The following HNRNPU variants were observed in gnomAD, a reference collection of about 807,000 sequenced individuals.
HNRNPU encodes the protein heterogeneous nuclear ribonucleoprotein U, also known as HNRNPU antisense RNA 1.
HNRNPU carries 5 observed loss-of-function variants against 94.7 expected under a neutral mutation model. The observed-to-expected ratio is 0.05, with a 90% CI of 0.03 to 0.11. The LOEUF (loss-of-function observed/expected upper bound fraction) is 0.11. Among genes scored for constraint, HNRNPU ranks in the 10% least tolerant of loss-of-function variants. The pLI, the probability that HNRNPU is intolerant of heterozygous loss-of-function variation, is 1.00. For missense variants in HNRNPU, 710 were observed against 1,049.2 expected (o/e 0.68, Z 4.47); for synonymous variants, 434 against 381.6 (o/e 1.14, Z -1.60).
chr1:244,863,643 C>T lies in HNRNPU; in HGVS notation c.665G>A (p.Gly222Asp). 1 of 1,548,060 alleles carries T rather than the reference C, an allele frequency of 6.5e-7. No individual in the cohort carries two copies. Among genetic ancestry groups the T allele is most frequent in the African/African-American group, 1.4e-5 (1 of 70,016 alleles). Reference sequence around the variant, plus strand: ...CGCCGCCGGAGCCCCGGGGCGACCGCCGCCTCCGCCGCCTTCCGCCTTCTT... The same window carrying T: ...CGCCGCCGGAGCCCCGGGGCGACCGTCGCCTCCGCCGCCTTCCGCCTTCTT... ...GKKKAEGGGG[G>D]GRPGAPAAGD... The change falls in exon 1 of 14, where the codon GGC becomes GAC. Residue 222 changes from glycine to aspartate, a missense_variant. By Grantham distance (94) the Gly-to-Asp change is moderately conservative. This residue lies in a region of HNRNPU where 292 missense variants were observed against 293.4 expected (regional missense o/e 1.00). Transcript: ENST00000640218.
chr1:244,859,651 T>C (rs1265923600), intron 4 of HNRNPU: 2 of 237,240 alleles, frequency 8.4e-6, no homozygotes, highest in Non-Finnish European at 1.6e-5. Context: ...AATTAAAGGA[T>C]ACAATTAATG....
chr1:244,859,055 C>G (rs914229046), intron 5 of HNRNPU: 4 of 577,732 alleles, frequency 6.9e-6, no homozygotes, highest in African/African-American at 5.6e-5. Context: ...TTGCATATCA[C>G]GGGTAAGATT....
chr1:244,857,767 A>G (rs912149907), intron 7 of HNRNPU, 50 bp from the exon 8 acceptor site: 2 of 1,580,806 alleles, frequency 1.3e-6, no homozygotes, highest in Non-Finnish European at 1.7e-6. Flanking sequence ...ACACCACCTA[A>G]TAATTCTTTA....
Position 244,860,315 on chromosome 1 carries a change from A to AAC in HNRNPU, c.1017+19_1017+20insGT. The AAC allele has an allele frequency of 6.2e-7, 1 of 1,602,830 alleles. No individual in the cohort carries two copies. Among genetic ancestry groups the AAC allele is most frequent in the South Asian group, 1.1e-5 (1 of 89,600 alleles). On this transcript the variant is annotated intron_variant, in intron 4 of 13. Transcript: ENST00000640218. Reference sequence around the variant, plus strand: ...GACTGTCTCCACAAACAAACAAACAAATCATAAAATTGCATTTACCTTCAT... The same window carrying AAC: ...GACTGTCTCCACAAACAAACAAACAAACATCATAAAATTGCATTTACCTTCAT...
chr1:244,859,535 T>C (rs1360842182), intron 4 of HNRNPU, 161 bp from the exon 5 acceptor site: 1 of 473,212 alleles, frequency 2.1e-6, no homozygotes, highest in African/African-American at 2.0e-5. Context: ...TTTAAACTGA[T>C]GTGCTTATAA....
intron 3 of HNRNPU, 47 bp from the exon 4 acceptor site, chr1:244,860,521 CA>C: frequency 6.7e-7 from 1 of 1,491,686 alleles, no homozygotes. Flanking sequence ...CCAATGTAAA[CA>C]TATCTGCTAT....
At chr1:244,859,159 ATT>A in intron 5 of HNRNPU, 114 bp downstream of exon 5, 1 of 628,084 alleles carries the variant, frequency 1.6e-6, no homozygotes, top group Non-Finnish European at 2.8e-6. Context: ...TGTCTGAAGT[ATT>A]AACAGAATAG....
At position 244,851,146 on chromosome 1, in the gene HNRNPU, T is replaced by C. The variant is rs1430673373; in HGVS notation, c.*3304A>G. 1.3e-5 allele frequency: 2 copies of C among 152,264 alleles called. No homozygotes were observed. Among genetic ancestry groups the C allele is most frequent in the East Asian group, 1.9e-4 (1 of 5,204 alleles). The allele number at this position is 152,264 out of a possible 1,614,324, so 9.4% of individuals were successfully genotyped here. ...CTTTTGAAAACAAGACATTTATGTA[T>C]AGGAAGAGAATTATGGAAACACTTT... On this transcript the variant is annotated 3_prime_UTR_variant, in exon 14 of 14. Coordinates refer to ENST00000640218, the MANE Select transcript of HNRNPU (RefSeq NM_031844.3).
At chr1:244,857,824 C>T (rs1680719991) in intron 7 of HNRNPU, 107 bp from the exon 8 acceptor site, 3 of 1,423,436 alleles carry the variant, frequency 2.1e-6, no homozygotes, top group African/African-American at 1.4e-5. Flanking sequence ...ATAGCCCTTA[C>T]ACTAACGGAC....
intron 13 of HNRNPU, 32 bp from the exon 14 acceptor site, chr1:244,854,535 A>G: frequency 1.4e-6 from 2 of 1,397,086 alleles, no homozygotes; most frequent in Non-Finnish European, 2.0e-6. Flanking sequence ...TTAAAGAAAA[A>G]ACATCAATAA....
chr1:244,850,610 A>T lies in HNRNPU; in HGVS notation c.*3840T>A, dbSNP rs930885074. The T allele has an allele frequency of 3.3e-5, 5 of 152,308 alleles. No individual in the cohort carries two copies. The highest frequency in any genetic ancestry group is 1.2e-4 in the African/African-American group (5 of 41,580). The allele number at this position is 152,308 out of a possible 1,614,324, so 9.4% of individuals were successfully genotyped here. ...TTCAAATTACTGTTTTAGAGATCTC[A>T]GGTAGTTAACCAATTCTTGCTCAAA... On this transcript the variant is annotated 3_prime_UTR_variant, in exon 14 of 14. Coordinates refer to ENST00000640218, the MANE Select transcript of HNRNPU (RefSeq NM_031844.3).
In HNRNPU at chr1:244,851,956, A is replaced by G. The variant is rs561374658; in HGVS notation, c.*2494T>C. The G allele has an allele frequency of 1.3e-5, 2 of 152,172 alleles. No homozygotes were observed. The highest frequency in any genetic ancestry group is 2.9e-5 in the Non-Finnish European group (2 of 68,032). The allele number at this position is 152,172 out of a possible 1,614,324, so 9.4% of individuals were successfully genotyped here. ...AGCCAGTTTACACTCAGCATGTGTT[A>G]TTCTACTTTAAAATATAACCTTAGT... On this transcript the variant is annotated 3_prime_UTR_variant, in exon 14 of 14. Transcript: ENST00000640218.
intron 12 of HNRNPU, 48 bp from the exon 13 acceptor site, chr1:244,855,092 T>TAG (rs1187188150): frequency 1.4e-6 from 2 of 1,479,828 alleles, no homozygotes; most frequent in East Asian, 4.5e-5. Flanking sequence ...AATTGCTTGT[T>TAG]AGGTTTGTGG....
chr1:244,863,767 TGGC>T lies in HNRNPU; in HGVS notation c.538_540del (p.Ala180del), dbSNP rs2102990578. On this transcript the variant is annotated inframe_deletion, in exon 1 of 14. Transcript: ENST00000640218. ...CCGCTGCTCTTCCCCGCGGCCTCCT[TGGC>T]GGCCCCGCGCTGCTGTTGGGGCTGT... 6.3e-7 allele frequency: 1 copy of T among 1,590,348 alleles called. No homozygotes were observed. The highest frequency in any genetic ancestry group is 8.5e-7 in the Non-Finnish European group (1 of 1,171,324).
intron 2 of HNRNPU, 39 bp from the exon 3 acceptor site, chr1:244,862,573 C>T: frequency 1.9e-6 from 3 of 1,609,250 alleles, no homozygotes; most frequent in South Asian, 2.2e-5. Context: ...GCTTTCCGAT[C>T]AACGAACGAA....
chr1:244,855,571 G>A lies in HNRNPU; in HGVS notation c.2205C>T (p.Asn735=), dbSNP rs1680656941. 6 of 1,613,928 alleles carry A rather than the reference G, an allele frequency of 3.7e-6. No individual in the cohort carries two copies. Among genetic ancestry groups the A allele is most frequent in the Non-Finnish European group, 4.2e-6 (5 of 1,179,956 alleles). ...CACCGCCACCACCTCTCTGTGGCAT[G>A]TTGCCCCTCCTATTATATCCGCCAC... ...GNRGGYNRRG[N]MPQRGGGGGG... is the part of the protein sequence containing the mutation. Residue 735 remains asparagine, a synonymous_variant, in exon 12 of 14, where the codon AAC becomes AAT. Coordinates refer to ENST00000640218, the MANE Select transcript of HNRNPU (RefSeq NM_031844.3).
intron 4 of HNRNPU, chr1:244,859,580 C>A: frequency 2.7e-6 from 1 of 370,998 alleles, no homozygotes; most frequent in Non-Finnish European, 4.8e-6. Context: ...TTATTTGACC[C>A]ATATTTAAAA....
chr1:244,851,374 C>G lies in HNRNPU; in HGVS notation c.*3076G>C, dbSNP rs937488878. On this transcript the variant is annotated 3_prime_UTR_variant, in exon 14 of 14. Transcript: ENST00000640218. ...CAATGGAACCCATTATTCACATGGTCCTAGAATAAAAAGTCAATTTATATT... is the reference window on the plus strand; with the variant it reads ...CAATGGAACCCATTATTCACATGGTGCTAGAATAAAAAGTCAATTTATATT... 1 of 152,056 alleles carries G rather than the reference C, an allele frequency of 6.6e-6. No homozygotes were observed. The highest frequency in any genetic ancestry group is 6.6e-5 in the Admixed American group (1 of 15,254). 9.4% of individuals were successfully genotyped at this position (152,056 alleles called of 1,614,324 possible). A position where few individuals can be genotyped will look rare whatever the true frequency, so the allele number is the denominator to read the frequency against.
At chr1:244,860,857 C>T (rs1034839830) in intron 3 of HNRNPU, 4 of 233,696 alleles carry the variant, frequency 1.7e-5, no homozygotes, top group African/African-American at 8.9e-5. Context: ...ACCAGTGCCA[C>T]ATTAAAACTG....
Sources: gnomAD v4.1 joint callset for allele counts on GRCh38, gnomAD v4.1.1 for gene constraint, gnomAD v4.1.1 regional missense constraint, MANE v1.5 for transcripts, NCBI Gene and HGNC (gene_info 2026-07-23, HGNC 2026-07-21) for gene names.